PRKG2: variants seen among roughly 807,000 people sequenced by gnomAD.
The protein encoded by PRKG2 is protein kinase cGMP-dependent 2, also known as cGMP-dependent protein kinase 2.
A neutral mutation model predicts 97.2 loss-of-function variants in PRKG2; 33 were observed. That is an observed-to-expected ratio of 0.34 (90% CI 0.26 to 0.45). The LOEUF (loss-of-function observed/expected upper bound fraction) is 0.45. PRKG2 is among the 20% of genes least tolerant of loss of function. The probability of loss-of-function intolerance (pLI) is 1.00; values close to 1 mark genes in which losing one functional copy is unlikely to be tolerated. For synonymous variants in PRKG2, 330 were observed against 321.8 expected (o/e 1.03, Z -0.27); for missense variants, 638 against 900.0 (o/e 0.71, Z 3.73).
chr4:81,212,884 T>C (rs1754077267), intron 1 of PRKG2, among the ~76,000 whole-genome samples: 1 of 151,594 alleles, frequency 6.6e-6, no homozygotes. Context: ...AGAGGGTGAG[T>C]AGGAGGAACA....
upstream of PRKG2, among the ~76,000 whole-genome samples, chr4:81,215,874 C>G (rs993869707): frequency 6.6e-6 from 1 of 151,836 alleles, no homozygotes; most frequent in East Asian, 1.9e-4. Flanking sequence ...TCTCTCGTCA[C>G]CTTTTGAGTA....
intron 6 of PRKG2, among the ~76,000 whole-genome samples, chr4:81,155,431 A>C (rs573618655): frequency 0.021 from 3,165 of 152,248 alleles, 52 homozygotes; most frequent in Middle Eastern, 0.082. Flanking sequence ...GGACTATGTG[A>C]AAAGACCAAA....
chr4:81,092,553 G>T (rs1741687494), intron 17 of PRKG2, 101 bp from the exon 18 acceptor site: 2 of 748,324 alleles, frequency 2.7e-6, no homozygotes, highest in Admixed American at 2.6e-5. Context: ...TTACTTGGAT[G>T]ATAAACTATT....
chr4:81,208,412 A>T (rs1753793705), intron 1 of PRKG2, among the ~76,000 whole-genome samples: 1 of 152,080 alleles, frequency 6.6e-6, no homozygotes, highest in South Asian at 2.1e-4. Context: ...GTCTTCCACA[A>T]GAGTCTTTTG....
At chr4:81,174,097 T>A (rs775023640) in intron 3 of PRKG2, among the ~76,000 whole-genome samples, 9 of 152,058 alleles carry the variant, frequency 5.9e-5, no homozygotes, top group African/African-American at 1.9e-4. Context: ...AAATAAATCA[T>A]TTGCCTATCT....
At chr4:81,188,007 C>A (rs940710391) in intron 2 of PRKG2, among the ~76,000 whole-genome samples, 7 of 152,194 alleles carry the variant, frequency 4.6e-5, no homozygotes, top group South Asian at 2.1e-4. Context: ...GCAACAAAAG[C>A]CAAAATTGAT....
chr4:81,101,046 C>T (rs1742700562), intron 17 of PRKG2, among the ~76,000 whole-genome samples: 1 of 151,874 alleles, frequency 6.6e-6, no homozygotes. Context: ...GAATGGCGAT[C>T]ATTAAAAAGT....
At chr4:81,183,780 C>G (rs747735067) in intron 2 of PRKG2, among the ~76,000 whole-genome samples, 11 of 152,222 alleles carry the variant, frequency 7.2e-5, no homozygotes, top group Middle Eastern at 3.4e-3. Flanking sequence ...AGTCTGAAGT[C>G]AACCTGGAAC....
At chr4:81,212,883 G>A (rs1262473918) in intron 1 of PRKG2, among the ~76,000 whole-genome samples, 1 of 152,130 alleles carries the variant, frequency 6.6e-6, no homozygotes, top group Non-Finnish European at 1.5e-5. Context: ...AAGAGGGTGA[G>A]TAGGAGGAAC....
At chr4:81,216,060 A>T (rs981487602), upstream of PRKG2, among the ~76,000 whole-genome samples, 5 of 152,064 alleles carry the variant, frequency 3.3e-5, no homozygotes, top group African/African-American at 9.7e-5. Context: ...TTCTGTGTTG[A>T]GAGATGGAAA....
At chr4:81,203,720 G>A (rs1753460875) in intron 2 of PRKG2, among the ~76,000 whole-genome samples, 1 of 151,202 alleles carries the variant, frequency 6.6e-6, no homozygotes, top group African/African-American at 2.5e-5. Context: ...ACACACACAT[G>A]TGTGCGCACA....
chr4:81,092,505 G>A (rs1003944880), intron 17 of PRKG2, 53 bp from the exon 18 acceptor site: 10 of 1,029,504 alleles, frequency 9.7e-6, no homozygotes, highest in Non-Finnish European at 1.5e-5. Context: ...AGGAAGGAAG[G>A]AAGGAAGGGA....
intron 14 of PRKG2, among the ~76,000 whole-genome samples, chr4:81,132,124 T>C (rs1746243074): frequency 6.6e-6 from 1 of 152,080 alleles, no homozygotes; most frequent in Admixed American, 6.5e-5. Flanking sequence ...GGTCTCATAC[T>C]TTTTACATAT....
At chr4:81,172,341 G>A (rs1370693238) in intron 3 of PRKG2, among the ~76,000 whole-genome samples, 3 of 152,022 alleles carry the variant, frequency 2.0e-5, no homozygotes, top group Non-Finnish European at 2.9e-5. Context: ...ATGACAACCC[G>A]TCATAACCAG....
At chr4:81,150,795 C>T (rs1022048856) in intron 8 of PRKG2, among the ~76,000 whole-genome samples, 1 of 151,842 alleles carries the variant, frequency 6.6e-6, no homozygotes, top group African/African-American at 2.4e-5. Context: ...GACACTGAAG[C>T]CCTGGATAAT....
At chr4:81,214,900 C>A (rs1439232615) in intron 1 of PRKG2, 36 bp downstream of exon 1, 2 of 152,322 alleles carry the variant, frequency 1.3e-5, no homozygotes, top group African/African-American at 4.8e-5. Flanking sequence ...CGCCCTCACA[C>A]CCCGGCGCCC....
At chr4:81,207,435 A>G (rs1753741131) in intron 1 of PRKG2, among the ~76,000 whole-genome samples, 1 of 152,208 alleles carries the variant, frequency 6.6e-6, no homozygotes, top group African/African-American at 2.4e-5. Context: ...TGTTCATGGA[A>G]AAATTGTTTA....
rs982001809 is a variant in PRKG2, at chr4:81,088,427, C to T, written c.*1281G>A. On this transcript the variant is annotated 3_prime_UTR_variant, in exon 19 of 19. Transcript: ENST00000264399. The stretch of plus-strand genomic sequence containing the variant: ...TTTAAAAAATACAGAAAAGTCTCTG[C>T]TTCTCATTCATTTTGGAAGGAGGGT... The T allele has an allele frequency of 6.6e-6, 1 of 152,146 alleles. No homozygotes were observed. The highest frequency in any genetic ancestry group is 1.5e-5 in the Non-Finnish European group (1 of 68,014). 9.4% of individuals were successfully genotyped at this position (152,146 alleles called of 1,614,324 possible).
upstream of PRKG2, among the ~76,000 whole-genome samples, chr4:81,217,041 A>ATATATATG: frequency 7.1e-6 from 1 of 140,076 alleles, no homozygotes; most frequent in African/African-American, 2.8e-5. Context: ...GTATATATAT[A>ATATATATG]TATATATATA....
Sources: gnomAD v4.1 joint callset for allele counts (sites outside exome capture counted in the v4.1 genomes callset) on GRCh38, gnomAD v4.1.1 for gene constraint, MANE v1.5 for transcripts, NCBI Gene and HGNC (gene_info 2026-07-23, HGNC 2026-07-21) for gene names.